The following MNAT1 variants were observed in gnomAD, a reference collection of about 807,000 sequenced individuals.
The protein encoded by MNAT1 is MNAT1 component of CDK activating kinase, also known as CDK-activating kinase assembly factor MAT1.
A neutral mutation model predicts 42.0 loss-of-function variants in MNAT1; 43 were observed. The observed-to-expected ratio is 1.02, with a 90% CI of 0.80 to 1.32. The LOEUF is 1.32. Among genes scored for constraint, MNAT1 ranks in the 40% most tolerant of loss-of-function variants. The probability of loss-of-function intolerance (pLI) is 0.00; values close to 1 mark genes in which losing one functional copy is unlikely to be tolerated. For missense variants in MNAT1, 306 were observed against 350.4 expected (o/e 0.87, Z 1.01); for synonymous variants, 118 against 120.0 (o/e 0.98, Z 0.11).
chr14:60,758,307 G>A (rs2030449532), intron 1 of MNAT1, among the ~76,000 whole-genome samples: 1 of 151,636 alleles, frequency 6.6e-6, no homozygotes, highest in Admixed American at 6.6e-5. Context: ...CAGGGCTCAA[G>A]CAATCCTCTC....
At chr14:60,860,355 T>TG (rs1308891626) in intron 6 of MNAT1, among the ~76,000 whole-genome samples, 1 of 1,976 alleles carries the variant, frequency 5.1e-4, no homozygotes, top group Admixed American at 0.017. Context: ...TTTTCTTTTC[T>TG]TTTTTTTTTT....
At position 60,950,835 on chromosome 14, in the gene MNAT1, T is replaced by C. The variant is rs547778371; in HGVS notation, c.810-17394T>C. On this transcript the variant is annotated intron_variant, in intron 7 of 7. Transcript: ENST00000261245. Reference sequence around the variant, plus strand: ...TATTATCATGGCTGCACTTTAGAGCTATATCTTAACTAATCAGAACCTAAT... The same window carrying C: ...TATTATCATGGCTGCACTTTAGAGCCATATCTTAACTAATCAGAACCTAAT... Among the ~76,000 whole-genome samples the C allele has an allele frequency of 1.5e-4, 23 of 152,368 alleles. 1 individual carries two copies. In the South Asian group the frequency reaches 4.6e-3, roughly 30 times the overall value.
At chr14:60,893,765 C>T (rs186245651) in intron 7 of MNAT1, among the ~76,000 whole-genome samples, 2 of 152,172 alleles carry the variant, frequency 1.3e-5, no homozygotes, top group East Asian at 3.9e-4. Flanking sequence ...TTTCAACAGG[C>T]TCTGTAAGCC....
At chr14:60,844,171 G>GT (rs2033623025) in intron 6 of MNAT1, among the ~76,000 whole-genome samples, 1 of 151,976 alleles carries the variant, frequency 6.6e-6, no homozygotes, top group African/African-American at 2.4e-5. Context: ...TTGAATTAAG[G>GT]TAGTATAAGT....
chr14:60,896,546 C>T (rs540850161), intron 7 of MNAT1, among the ~76,000 whole-genome samples: 4 of 152,200 alleles, frequency 2.6e-5, no homozygotes, highest in South Asian at 2.1e-4. Context: ...AGTGCAGTGG[C>T]GTGATCTCGG....
At chr14:60,742,695 TCTGA>T (rs1432624735) in intron 1 of MNAT1, among the ~76,000 whole-genome samples, 1 of 152,254 alleles carries the variant, frequency 6.6e-6, no homozygotes, top group African/African-American at 2.4e-5. Context: ...TTATCTACTT[TCTGA>T]CTATGTAGAT....
intron 6 of MNAT1, among the ~76,000 whole-genome samples, chr14:60,832,558 C>A (rs2033256980): frequency 1.3e-5 from 2 of 152,016 alleles, no homozygotes; most frequent in Admixed American, 1.3e-4. Context: ...GGTACCAGTA[C>A]CATGTTGTTT....
chr14:60,900,550 T>G (rs1293993705), intron 7 of MNAT1, among the ~76,000 whole-genome samples: 1 of 152,186 alleles, frequency 6.6e-6, no homozygotes, highest in East Asian at 1.9e-4. Context: ...TAAGGAAGGA[T>G]GCCATTTCCG....
At chr14:60,836,307 G>A (rs1024429846) in intron 6 of MNAT1, among the ~76,000 whole-genome samples, 15 of 152,190 alleles carry the variant, frequency 9.9e-5, no homozygotes, top group African/African-American at 3.4e-4. Flanking sequence ...CTTTGGAGGA[G>A]AAGAGGTGTT....
intron 7 of MNAT1, among the ~76,000 whole-genome samples, chr14:60,936,457 C>T (rs1032430643): frequency 7.3e-4 from 108 of 147,726 alleles, no homozygotes; most frequent in African/African-American, 2.6e-3. Flanking sequence ...TCATTTCCCA[C>T]CTATGAGAAC....
At chr14:60,951,879 G>A (rs1242239058) in intron 7 of MNAT1, among the ~76,000 whole-genome samples, 1 of 151,966 alleles carries the variant, frequency 6.6e-6, no homozygotes, top group Non-Finnish European at 1.5e-5. Flanking sequence ...ACAAATTCCT[G>A]TTGGCTTCAC....
rs758087883 is a variant in MNAT1 at position 60,808,370 on chromosome 14, A to G, written c.362A>G (p.Lys121Arg). 61 of 1,588,186 alleles carry G rather than the reference A, an allele frequency of 3.8e-5. No homozygotes were observed. The highest frequency in any genetic ancestry group is 3.3e-4 in the Middle Eastern group (2 of 6,012). Residue 121 changes from lysine (K) to arginine (R), a missense_variant, in exon 4 of 8, where the codon AAA (lysine) becomes AGA (arginine). Transcript: ENST00000261245. ...NNVDLDNTKK[K>R]MEIYQKENKD... ...GTGGATTTGGACAACACCAAAAAGA[A>G]AATGGAGATATACCAAAAGGAAAAC...
chr14:60,839,730 C>G (rs564931497), intron 6 of MNAT1, among the ~76,000 whole-genome samples: 1 of 152,208 alleles, frequency 6.6e-6, no homozygotes, highest in South Asian at 2.1e-4. Context: ...CTTGTCCAGA[C>G]GTGGGTGCCT....
In MNAT1 at chr14:60,755,625, C is replaced by T. The variant is rs534848630; in HGVS notation, c.89+20674C>T. 1.2e-3 allele frequency among the ~76,000 whole-genome samples: 180 copies of T among 152,232 alleles called. 2 individuals are homozygous for T. Among genetic ancestry groups the T allele is most frequent in the Middle Eastern group, 6.8e-3 (2 of 294 alleles). ...AAAGCAGAAAATATAGTGAAGATTA[C>T]CCTTAATATTAAGGATCAGAAATTG... On this transcript the variant is annotated intron_variant, in intron 1 of 7. Coordinates refer to ENST00000261245, the MANE Select transcript of MNAT1 (RefSeq NM_002431.4).
intron 6 of MNAT1, among the ~76,000 whole-genome samples, chr14:60,828,419 G>C (rs1211909092): frequency 6.6e-6 from 1 of 151,952 alleles, no homozygotes; most frequent in Non-Finnish European, 1.5e-5. Context: ...ATTTTGTACC[G>C]TGTAGTTTTT....
chr14:60,825,630 A>C (rs1265088693), intron 6 of MNAT1, among the ~76,000 whole-genome samples: 1 of 152,172 alleles, frequency 6.6e-6, no homozygotes, highest in African/African-American at 2.4e-5. Context: ...TATTTTTACA[A>C]ATGTGAAAAC....
intron 1 of MNAT1, among the ~76,000 whole-genome samples, chr14:60,770,956 A>G (rs942876536): frequency 6.6e-6 from 1 of 152,098 alleles, no homozygotes; most frequent in East Asian, 1.9e-4. Context: ...GGACATAGGT[A>G]TTGTTTCCAA....
At chr14:60,825,686 C>A (rs1175911726) in intron 6 of MNAT1, among the ~76,000 whole-genome samples, 1 of 152,102 alleles carries the variant, frequency 6.6e-6, no homozygotes, top group Non-Finnish European at 1.5e-5. Flanking sequence ...GATGCTGAAA[C>A]TCATTCTCTT....
chr14:60,948,561 G>A (rs2139600984), intron 7 of MNAT1, among the ~76,000 whole-genome samples: 1 of 152,088 alleles, frequency 6.6e-6, no homozygotes, highest in Middle Eastern at 3.4e-3. Context: ...TTACCTACCT[G>A]GCAAATTATC....
Sources: gnomAD v4.1 joint callset for allele counts (sites outside exome capture counted in the v4.1 genomes callset) on GRCh38, gnomAD v4.1.1 for gene constraint, MANE v1.5 for transcripts, NCBI Gene and HGNC (gene_info 2026-07-23, HGNC 2026-07-21) for gene names.